Variants in RANBP2 observed in about 807,000 individuals in gnomAD.
RANBP2 encodes E3 SUMO-protein ligase RanBP2.
In RANBP2, 57 loss-of-function variants were observed where a neutral mutation model predicts 303.6. That is an observed-to-expected ratio of 0.19 (90% confidence interval 0.15 to 0.23). RANBP2 has a LOEUF of 0.23. Ranked by LOEUF, RANBP2 falls within the 10% of genes least tolerant of loss-of-function variation. RANBP2 has a pLI of 1.00. For missense variants in RANBP2, 3,138 were observed against 3,780.8 expected (o/e 0.83, Z 4.46); for synonymous variants, 1,167 against 1,301.5 (o/e 0.90, Z 2.23).
chr2:109,397,623 CCTAA>C, the RANBP2 span, among the ~76,000 whole-genome samples: 1 of 152,172 alleles, frequency 6.6e-6, no homozygotes, highest in Non-Finnish European at 1.5e-5. Context: ...GGTGAACTGA[CCTAA>C]CTGAGGCCCT....
At chr2:109,041,685 C>CT in the RANBP2 span, among the ~76,000 whole-genome samples, 687 of 82,032 alleles carry the variant, frequency 8.4e-3, 15 homozygotes, top group African/African-American at 0.014. Context: ...CCATGCCCGG[C>CT]TTTTTTTTTT....
chr2:108,719,900 T>A (rs563688236), intron 1 of RANBP2, among the ~76,000 whole-genome samples: 1 of 152,200 alleles, frequency 6.6e-6, no homozygotes, highest in South Asian at 2.1e-4. Flanking sequence ...GCTTCCTCTT[T>A]CTCCCGGCTT....
chr2:109,241,704 C>T, the RANBP2 span, among the ~76,000 whole-genome samples: 1 of 152,020 alleles, frequency 6.6e-6, no homozygotes, highest in African/African-American at 2.4e-5. Context: ...AGTCCCTCTT[C>T]TCTGGCTTCT....
chr2:109,471,792 G>A, the RANBP2 span, among the ~76,000 whole-genome samples: 1 of 152,184 alleles, frequency 6.6e-6, no homozygotes, highest in African/African-American at 2.4e-5. Flanking sequence ...GCACAGTCCT[G>A]GATAGCTTGT....
the RANBP2 span, chr2:109,614,110 G>A: frequency 1.9e-5 from 23 of 1,209,524 alleles, no homozygotes; most frequent in Admixed American, 1.0e-3. Context: ...CAGCGTTGGG[G>A]CGGGCTGAAG....
the RANBP2 span, chr2:109,585,797 A>G: frequency 1.2e-6 from 2 of 1,613,964 alleles, no homozygotes; most frequent in African/African-American, 2.7e-5. Flanking sequence ...TCTCAAAACC[A>G]ACATGGCCAG....
At chr2:109,581,088 C>T in the RANBP2 span, among the ~76,000 whole-genome samples, 10 of 152,336 alleles carry the variant, frequency 6.6e-5, no homozygotes, top group East Asian at 1.9e-3. Context: ...TAGAGCTATG[C>T]TAGTGGTTAC....
At chr2:109,291,427 C>T in the RANBP2 span, among the ~76,000 whole-genome samples, 2 of 152,174 alleles carry the variant, frequency 1.3e-5, no homozygotes, top group African/African-American at 2.4e-5. Context: ...CCTGCAATCT[C>T]GCCTGGCTGC....
the RANBP2 span, among the ~76,000 whole-genome samples, chr2:109,572,500 C>T: frequency 1.3e-5 from 2 of 151,274 alleles, no homozygotes; most frequent in Non-Finnish European, 2.9e-5. Flanking sequence ...TGCTAAGTGG[C>T]GGGGCTGAAG....
chr2:108,863,706 C>A, the RANBP2 span, among the ~76,000 whole-genome samples: 2 of 152,038 alleles, frequency 1.3e-5, no homozygotes, highest in African/African-American at 4.8e-5. Flanking sequence ...TTTATTAAGG[C>A]AATTGAGTTT....
At chr2:109,504,786 C>T in the RANBP2 span, among the ~76,000 whole-genome samples, 4 of 152,106 alleles carry the variant, frequency 2.6e-5, no homozygotes, top group Non-Finnish European at 5.9e-5. Flanking sequence ...TGGGGTGCAC[C>T]GAATCTGTAT....
the RANBP2 span, among the ~76,000 whole-genome samples, chr2:109,205,497 G>T: frequency 1.3e-5 from 2 of 152,120 alleles, no homozygotes; most frequent in Non-Finnish European, 2.9e-5. Flanking sequence ...TGATCCACCT[G>T]CATCCACCTC....
the RANBP2 span, among the ~76,000 whole-genome samples, chr2:109,576,238 G>A: frequency 1.3e-5 from 2 of 152,118 alleles, no homozygotes; most frequent in South Asian, 2.1e-4. Flanking sequence ...ACCAGCCTAG[G>A]TGACAACGCA....
At chr2:109,435,333 TC>T in the RANBP2 span, among the ~76,000 whole-genome samples, 2 of 152,346 alleles carry the variant, frequency 1.3e-5, no homozygotes, top group South Asian at 4.1e-4. Context: ...ACTTATACTT[TC>T]TTGATCCCTA....
the RANBP2 span, chr2:108,794,582 A>C: frequency 6.2e-7 from 1 of 1,613,450 alleles, no homozygotes; most frequent in Admixed American, 1.7e-5. Context: ...CCTCGGACTG[A>C]GTGTTGTAGT....
the RANBP2 span, among the ~76,000 whole-genome samples, chr2:108,851,322 A>G: frequency 6.6e-6 from 1 of 151,810 alleles, no homozygotes; most frequent in Non-Finnish European, 1.5e-5. Context: ...TGTTTTTGAG[A>G]TGGAGTTTTG....
the RANBP2 span, among the ~76,000 whole-genome samples, chr2:109,420,482 G>A: frequency 2.0e-5 from 3 of 152,136 alleles, no homozygotes; most frequent in African/African-American, 7.2e-5. Flanking sequence ...GTCTTGCTCT[G>A]TCTCCCAGGC....
chr2:109,690,960 G>A, the RANBP2 span, among the ~76,000 whole-genome samples: 1 of 152,038 alleles, frequency 6.6e-6, no homozygotes, highest in Non-Finnish European at 1.5e-5. Flanking sequence ...GTCATTGATG[G>A]GGCACCTCCT....
At chr2:109,299,684 G>T in the RANBP2 span, among the ~76,000 whole-genome samples, 1 of 152,272 alleles carries the variant, frequency 6.6e-6, no homozygotes, top group African/African-American at 2.4e-5. Flanking sequence ...AGCCAGTTCT[G>T]CCCGGAATGT....
Sources: gnomAD v4.1 joint callset for allele counts (sites outside exome capture counted in the v4.1 genomes callset) on GRCh38, gnomAD v4.1.1 for gene constraint, MANE v1.5 for transcripts, NCBI Gene and HGNC (gene_info 2026-07-23, HGNC 2026-07-21) for gene names.